Variants in CDH2 observed in about 807,000 individuals in gnomAD.
CDH2 encodes cadherin-2.
Under a neutral mutation model 92.0 loss-of-function variants are expected in CDH2, and 17 were observed. The observed-to-expected ratio is 0.18, with a 90% CI of 0.13 to 0.28. The LOEUF is 0.28. CDH2 is among the 10% of genes least tolerant of loss of function. The probability of loss-of-function intolerance (pLI) is 1.00; values close to 1 mark genes in which losing one functional copy is unlikely to be tolerated. For synonymous variants in CDH2, 419 were observed against 415.9 expected, an observed-to-expected ratio of 1.01 and a Z score of -0.09; for missense variants, 862 against 1,133.1, an observed-to-expected ratio of 0.76 and a Z score of 3.44.
In CDH2 at chr18:28,077,605, T is replaced by C. The variant is rs181761773; in HGVS notation, c.173-63696A>G. ...CCTATTCCCAAAGAAAAAGAAATAG[T>C]GAGGGCCAGGCACAGTGGCTCACGC... On this transcript the variant is annotated intron_variant, in intron 2 of 15. Coordinates refer to ENST00000269141, the MANE Select transcript of CDH2 (RefSeq NM_001792.5). Among the ~76,000 whole-genome samples, 12 of 151,938 alleles carry C rather than the reference T, an allele frequency of 7.9e-5. No individual in the cohort carries two copies. In the East Asian group the frequency reaches 2.3e-3, roughly 30 times the overall value.
intron 1 of CDH2, among the ~76,000 whole-genome samples, chr18:28,174,037 A>T (rs924785175): frequency 6.6e-6 from 1 of 152,180 alleles, no homozygotes; most frequent in Non-Finnish European, 1.5e-5. Flanking sequence ...GACTAGAATT[A>T]TGTAAATCTA....
rs150497381 is a variant in CDH2, at chr18:28,101,356, T to C, written c.172+46317A>G. 3.7e-3 allele frequency among the ~76,000 whole-genome samples: 566 copies of C among 152,244 alleles called. 4 individuals carry two copies. The highest frequency in any genetic ancestry group is 0.013 in the African/African-American group (538 of 41,554). ...AGCAGTATCAGTCATACGACCCCTGTAGCTATTTATATGACTCTCCTGACT... is the reference window on the plus strand; with the variant it reads ...AGCAGTATCAGTCATACGACCCCTGCAGCTATTTATATGACTCTCCTGACT... On this transcript the variant is annotated intron_variant, in intron 2 of 15. Coordinates refer to ENST00000269141, the MANE Select transcript of CDH2 (RefSeq NM_001792.5).
At chr18:27,987,128 G>T (rs2012260450) in intron 11 of CDH2, among the ~76,000 whole-genome samples, 1 of 152,114 alleles carries the variant, frequency 6.6e-6, no homozygotes, top group Non-Finnish European at 1.5e-5. Context: ...AAATCTGGTT[G>T]TAACTCACAA....
intron 14 of CDH2, 28 bp downstream of exon 14, chr18:27,982,916 A>G: frequency 6.7e-7 from 1 of 1,487,602 alleles, no homozygotes; most frequent in Non-Finnish European, 9.1e-7. Flanking sequence ...CATAAAATTT[A>G]TTTTTAAAGA....
At chr18:27,933,131 A>G (rs1166700446) in intron 6 of CDH2, among the ~76,000 whole-genome samples, 1 of 151,938 alleles carries the variant, frequency 6.6e-6, no homozygotes, top group African/African-American at 2.4e-5. Context: ...TTTTCTGTAG[A>G]AAAAAAATGA....
intron 15 of CDH2, among the ~76,000 whole-genome samples, chr18:27,961,580 A>G (rs2011405425): frequency 1.3e-5 from 2 of 152,290 alleles, no homozygotes; most frequent in Non-Finnish European, 2.9e-5. Flanking sequence ...GTGGGGCTGC[A>G]GCACAGAAAG....
chr18:28,172,480 G>A lies in CDH2; in HGVS notation c.60+4483C>T, dbSNP rs574110123. 2.0e-4 allele frequency among the ~76,000 whole-genome samples: 31 copies of A among 152,076 alleles called. 1 individual carries two copies. The highest frequency in any genetic ancestry group is 1.8e-3 in the Admixed American group (27 of 15,282). On this transcript the variant is annotated intron_variant, in intron 1 of 15. Transcript: ENST00000269141. ...CTAGCATCTGCTCAAATTAACTGAT[G>A]TCTTTTTCTGAAAAATTAAAATAAA...
Position 27,963,490 on chromosome 18 carries a change from T to G in CDH2, c.2381A>C (p.Asp794Ala). Residue 794 changes from aspartate to alanine, a missense_variant, in exon 15 of 16, where the codon GAC becomes GCC. Physicochemically the swap from Asp to Ala is moderately radical, Grantham distance 126. This residue lies in a region of CDH2 where 114 missense variants were observed against 144.8 expected (regional missense o/e 0.79). Coordinates refer to ENST00000269141, the MANE Select transcript of CDH2 (RefSeq NM_001792.5). ...CTTGATGGCATCAGGCTCCACAGTG[T>G]CAGGCTGCTGCAGCTGGCTCAAGTC... ...DYDLSQLQQP[D>A]TVEPDAIKPV... The G allele has an allele frequency of 6.2e-7, 1 of 1,614,064 alleles. No homozygotes were observed. Among genetic ancestry groups the G allele is most frequent in the Non-Finnish European group, 8.5e-7 (1 of 1,180,004 alleles).
intron 2 of CDH2, among the ~76,000 whole-genome samples, chr18:28,068,690 G>A (rs954148129): frequency 2.6e-5 from 4 of 152,154 alleles, no homozygotes; most frequent in African/African-American, 7.2e-5. Context: ...CAACCATCAC[G>A]CAGTGCTAGC....
chr18:28,159,930 T>G (rs559430141), intron 1 of CDH2, among the ~76,000 whole-genome samples: 2 of 152,178 alleles, frequency 1.3e-5, no homozygotes, highest in Non-Finnish European at 2.9e-5. Flanking sequence ...GTGCTGGGAT[T>G]ACAGGCGTGA....
At chr18:28,108,787 A>G (rs1310825916) in intron 2 of CDH2, among the ~76,000 whole-genome samples, 2 of 152,066 alleles carry the variant, frequency 1.3e-5, no homozygotes, top group African/African-American at 4.8e-5. Flanking sequence ...AAAAAAAAAA[A>G]AAAGACAGAA....
In CDH2 at chr18:27,963,214, CT is replaced by C. The variant is rs1598991667; in HGVS notation, c.2514+142del. 4.7e-6 allele frequency: 3 copies of C among 634,648 alleles called. No individual in the cohort carries two copies. In the East Asian group the frequency reaches 8.5e-5, roughly 18 times the overall value. The allele number at this position is 634,648 out of a possible 1,614,324, so 39.3% of individuals were successfully genotyped here. ...TTTGTTGTTAATGAAGCCACATTTGCTTTCACACAAGATGAACTTCAGAAAC... is the reference window on the plus strand; with the variant it reads ...TTTGTTGTTAATGAAGCCACATTTGCTTCACACAAGATGAACTTCAGAAAC... On this transcript the variant is annotated intron_variant, in intron 15 of 15. Transcript: ENST00000269141.
intron 5 of CDH2, among the ~76,000 whole-genome samples, chr18:28,008,619 T>C (rs1457548445): frequency 2.6e-5 from 4 of 151,758 alleles, no homozygotes; most frequent in Admixed American, 6.6e-5. Flanking sequence ...GGGGGAAGGA[T>C]AGCATTAGGA....
Position 27,984,984 on chromosome 18 carries a change from C to A in CDH2, c.2209+16G>T. On this transcript the variant is annotated intron_variant, in intron 13 of 15. Coordinates refer to ENST00000269141, the MANE Select transcript of CDH2 (RefSeq NM_001792.5). The stretch of plus-strand genomic sequence containing the variant: ...GCCAAGAGAACTGAAATCTAAAAGA[C>A]AATAAAAGTACTCACTAAGCAGGAT... 6.3e-7 allele frequency: 1 copy of A among 1,587,758 alleles called. No homozygotes were observed. Among genetic ancestry groups the A allele is most frequent in the East Asian group, 2.2e-5 (1 of 44,678 alleles).
chr18:28,153,909 C>A (rs557306786), intron 1 of CDH2, among the ~76,000 whole-genome samples: 2 of 152,180 alleles, frequency 1.3e-5, no homozygotes, highest in African/African-American at 4.8e-5. Flanking sequence ...TTACTCAACA[C>A]AGCAAGCAAT....
intron 1 of CDH2, among the ~76,000 whole-genome samples, chr18:28,150,820 T>C (rs2016109620): frequency 1.3e-5 from 2 of 152,164 alleles, no homozygotes; most frequent in South Asian, 2.1e-4. Context: ...CAAAATAATA[T>C]AATCCTGGAT....
At chr18:28,010,623 C>T (rs1216699281) in intron 4 of CDH2, among the ~76,000 whole-genome samples, 1 of 151,696 alleles carries the variant, frequency 6.6e-6, no homozygotes, top group African/African-American at 2.4e-5. Flanking sequence ...AATAAGAGAT[C>T]CTTATGTATT....
intron 3 of CDH2, 114 bp from the exon 4 acceptor site, chr18:28,012,106 A>T (rs2144034748): frequency 1.1e-6 from 1 of 892,844 alleles, no homozygotes; most frequent in Middle Eastern, 3.0e-4. Context: ...ATGAACAAAA[A>T]ATAAGTCTGG....
intron 5 of CDH2, among the ~76,000 whole-genome samples, chr18:28,008,984 A>G (rs1055875170): frequency 1.3e-5 from 2 of 152,068 alleles, no homozygotes; most frequent in African/African-American, 4.8e-5. Context: ...TATTAAAATA[A>G]CTCTGCAGAG....
Sources: allele counts gnomAD v4.1 joint callset (sites outside exome capture counted in the v4.1 genomes callset), GRCh38; gene constraint gnomAD v4.1.1; regional missense constraint gnomAD v4.1.1; transcripts MANE v1.5; gene names NCBI Gene and HGNC (gene_info 2026-07-23, HGNC 2026-07-21).